The following CELF4 variants were observed in gnomAD, a reference collection of about 807,000 sequenced individuals.
CELF4 encodes the protein CUG-BP- and ETR-3-like factor 4.
A neutral mutation model predicts 59.9 loss-of-function variants in CELF4; 18 were observed. That is an observed-to-expected ratio of 0.30 (90% confidence interval 0.21 to 0.45). CELF4 has a LOEUF of 0.45. Among genes scored for constraint, CELF4 ranks in the 20% least tolerant of loss-of-function variants. The pLI, the probability that CELF4 is intolerant of heterozygous loss-of-function variation, is 1.00. For synonymous variants in CELF4, 261 were observed against 267.1 expected (o/e 0.98, Z 0.22); for missense variants, 456 against 689.0 (o/e 0.66, Z 3.79).
At chr18:37,293,279 A>G (rs371404172) in intron 3 of CELF4, among the ~76,000 whole-genome samples, 2 of 152,188 alleles carry the variant, frequency 1.3e-5, no homozygotes, top group South Asian at 4.1e-4. Context: ...ACAGGGCCAC[A>G]TTATCTCTAA....
chr18:37,441,406 C>T (rs1029263848), intron 2 of CELF4, among the ~76,000 whole-genome samples: 1 of 151,814 alleles, frequency 6.6e-6, no homozygotes, highest in East Asian at 1.9e-4. Flanking sequence ...CAGACAGATG[C>T]CGGATATGTT....
chr18:37,256,415 G>A (rs941025331), intron 11 of CELF4, among the ~76,000 whole-genome samples: 1 of 152,128 alleles, frequency 6.6e-6, no homozygotes, highest in Non-Finnish European at 1.5e-5. Context: ...GAACAAAGGG[G>A]ACCTAGCACT....
At chr18:37,408,868 C>T (rs567835707) in intron 2 of CELF4, among the ~76,000 whole-genome samples, 4 of 152,312 alleles carry the variant, frequency 2.6e-5, no homozygotes, top group Admixed American at 2.6e-4. Context: ...TCTCCACCTG[C>T]CCACCTCTCT....
At chr18:37,300,656 T>C (rs2095964264) in intron 3 of CELF4, among the ~76,000 whole-genome samples, 2 of 152,328 alleles carry the variant, frequency 1.3e-5, no homozygotes, top group South Asian at 4.1e-4. Context: ...AGAGTCCCTG[T>C]CTGCACGGAG....
At chr18:37,415,029 G>A (rs925006227) in intron 2 of CELF4, among the ~76,000 whole-genome samples, 2 of 152,252 alleles carry the variant, frequency 1.3e-5, no homozygotes, top group East Asian at 1.9e-4. Flanking sequence ...AGGGAAGATG[G>A]TATGTGGAAA....
intron 1 of CELF4, among the ~76,000 whole-genome samples, chr18:37,500,037 G>T (rs1569569666): frequency 6.6e-6 from 1 of 152,222 alleles, no homozygotes; most frequent in Non-Finnish European, 1.5e-5. Context: ...AGGCTGGGGA[G>T]CCCAGTGCCG....
chr18:37,284,382 C>A (rs547813825), intron 3 of CELF4, among the ~76,000 whole-genome samples: 1 of 152,262 alleles, frequency 6.6e-6, no homozygotes, highest in South Asian at 2.1e-4. Flanking sequence ...AAAGGCCTGG[C>A]CCCTCTCCTC....
rs71168258 is a variant in CELF4, at chr18:37,353,233, A to AAAAAAAATATATATAT, written c.370-31353_370-31352insATATATATATTTTTTT. Reference sequence around the variant, plus strand: ...GAGACTCCGTCTCAAAAAAAAAAAAAATATATATATATATATACATAAAAG... The same window carrying AAAAAAAATATATATAT: ...GAGACTCCGTCTCAAAAAAAAAAAAAAAAAAAATATATATATATATATATATATATATACATAAAAG... On this transcript the variant is annotated intron_variant, in intron 2 of 12. Transcript: ENST00000420428. Among the ~76,000 whole-genome samples the AAAAAAAATATATATAT allele has an allele frequency of 7.9e-4, 84 of 106,956 alleles. 1 individual carries two copies. The highest frequency in any genetic ancestry group is 6.4e-3 in the South Asian group (20 of 3,104). The allele number at this position is 106,956 out of a possible 152,430, so 70.2% of individuals were successfully genotyped here.
chr18:37,257,416 C>T (rs2070577543), intron 11 of CELF4, among the ~76,000 whole-genome samples: 1 of 152,182 alleles, frequency 6.6e-6, no homozygotes. Flanking sequence ...GACTGCAACC[C>T]TGTCTTTTGC....
At chr18:37,469,792 G>T (rs2099816815) in intron 2 of CELF4, among the ~76,000 whole-genome samples, 2 of 152,182 alleles carry the variant, frequency 1.3e-5, no homozygotes, top group Non-Finnish European at 2.9e-5. Context: ...TGATGGATCA[G>T]GTTCTTGCCC....
intron 1 of CELF4, among the ~76,000 whole-genome samples, chr18:37,542,404 G>A (rs544140170): frequency 9.7e-4 from 147 of 152,306 alleles, no homozygotes; most frequent in African/African-American, 3.3e-3. Flanking sequence ...TAGGAAGGCT[G>A]AAGCCCAGTC....
At chr18:37,463,285 G>A (rs967270462) in intron 2 of CELF4, among the ~76,000 whole-genome samples, 22 of 152,168 alleles carry the variant, frequency 1.4e-4, no homozygotes, top group African/African-American at 5.1e-4. Flanking sequence ...GGGCATGGCT[G>A]CACCAGGCCT....
intron 2 of CELF4, among the ~76,000 whole-genome samples, chr18:37,330,349 G>A (rs2097495053): frequency 6.6e-6 from 1 of 152,286 alleles, no homozygotes; most frequent in Admixed American, 6.5e-5. Context: ...ACCCTTGCCT[G>A]AGGGCTTCTG....
At chr18:37,284,590 C>T (rs1416261409) in intron 3 of CELF4, among the ~76,000 whole-genome samples, 1 of 152,226 alleles carries the variant, frequency 6.6e-6, no homozygotes, top group East Asian at 1.9e-4. Context: ...TCCCACATCA[C>T]AGAACCCCTG....
At chr18:37,520,789 C>T (rs2154604633) in intron 1 of CELF4, among the ~76,000 whole-genome samples, 1 of 152,324 alleles carries the variant, frequency 6.6e-6, no homozygotes, top group East Asian at 1.9e-4. Flanking sequence ...CTGGGCTGTC[C>T]TTCTGTTCCT....
chr18:37,469,197 T>A (rs1443423161), intron 2 of CELF4, among the ~76,000 whole-genome samples: 2 of 152,060 alleles, frequency 1.3e-5, no homozygotes, highest in East Asian at 3.9e-4. Context: ...TAAAATCTAA[T>A]CTTTAACCCT....
chr18:37,342,534 C>T (rs2098094327), intron 2 of CELF4, among the ~76,000 whole-genome samples: 1 of 152,140 alleles, frequency 6.6e-6, no homozygotes, highest in African/African-American at 2.4e-5. Context: ...GCACCACCCT[C>T]CCCTGTGCTC....
chr18:37,259,049 C>T (rs1038952773), intron 11 of CELF4, 132 bp downstream of exon 11: 17 of 1,435,960 alleles, frequency 1.2e-5, no homozygotes, highest in Admixed American at 9.9e-5. Context: ...TAAAAGCAGT[C>T]GGACACCGGT....
chr18:37,507,488 G>T (rs1031419923), intron 1 of CELF4, among the ~76,000 whole-genome samples: 1 of 152,174 alleles, frequency 6.6e-6, no homozygotes, highest in Non-Finnish European at 1.5e-5. Flanking sequence ...CTAAGGCCAG[G>T]TTCTGGTCTG....
Sources: gnomAD v4.1 joint callset for allele counts (sites outside exome capture counted in the v4.1 genomes callset) on GRCh38, gnomAD v4.1.1 for gene constraint, MANE v1.5 for transcripts, NCBI Gene and HGNC (gene_info 2026-07-23, HGNC 2026-07-21) for gene names.